The following ZMAT4 variants were observed in gnomAD, a reference collection of about 807,000 sequenced individuals.
ZMAT4 encodes zinc finger matrin-type 4, also known as zinc finger matrin-type protein 4.
ZMAT4 carries 17 observed loss-of-function variants against 28.7 expected under a neutral mutation model. The observed-to-expected ratio is 0.59, with a 90% CI of 0.41 to 0.89. The LOEUF is 0.89. Ranked by LOEUF, ZMAT4 falls within the 40% of genes least tolerant of loss-of-function variation. The probability of loss-of-function intolerance (pLI) is 0.00; values close to 1 mark genes in which losing one functional copy is unlikely to be tolerated. For missense variants in ZMAT4, 240 were observed against 283.8 expected (o/e 0.85, Z 1.11); for synonymous variants, 117 against 109.2 (o/e 1.07, Z -0.44).
At chr8:40,860,888 G>A (rs994857666) in intron 1 of ZMAT4, among the ~76,000 whole-genome samples, 2 of 152,138 alleles carry the variant, frequency 1.3e-5, no homozygotes, top group African/African-American at 4.8e-5. Context: ...GCCCTTAGGA[G>A]GCTGTTGCAC....
At chr8:40,590,533 T>C (rs1407298859) in intron 5 of ZMAT4, among the ~76,000 whole-genome samples, 1 of 152,130 alleles carries the variant, frequency 6.6e-6, no homozygotes, top group African/African-American at 2.4e-5. Context: ...TCAAGCTTCC[T>C]GCATCACCTC....
At chr8:40,835,661 C>A (rs988932090) in intron 1 of ZMAT4, among the ~76,000 whole-genome samples, 1 of 152,334 alleles carries the variant, frequency 6.6e-6, no homozygotes, top group African/African-American at 2.4e-5. Context: ...GATTTAAATG[C>A]AGCAATGGCA....
At chr8:40,533,008 C>A (rs1480081820) in intron 6 of ZMAT4, among the ~76,000 whole-genome samples, 5 of 151,812 alleles carry the variant, frequency 3.3e-5, no homozygotes, top group Non-Finnish European at 7.4e-5. Flanking sequence ...TTCTTTCTGG[C>A]CTTACTTGCA....
intron 4 of ZMAT4, among the ~76,000 whole-genome samples, chr8:40,678,460 T>G (rs977742316): frequency 6.6e-6 from 1 of 152,224 alleles, no homozygotes; most frequent in Non-Finnish European, 1.5e-5. Flanking sequence ...CAGAATGGTG[T>G]GCTGACCTGT....
intron 3 of ZMAT4, among the ~76,000 whole-genome samples, chr8:40,754,144 C>T (rs1186062018): frequency 6.6e-6 from 1 of 151,782 alleles, no homozygotes; most frequent in African/African-American, 2.4e-5. Flanking sequence ...TGCACTCCAG[C>T]CTGGCAACAG....
intron 3 of ZMAT4, among the ~76,000 whole-genome samples, chr8:40,725,107 A>G (rs928358366): frequency 5.3e-5 from 8 of 152,198 alleles, no homozygotes; most frequent in Non-Finnish European, 8.8e-5. Flanking sequence ...GGGAAGTGCC[A>G]TCAGGAGGGA....
chr8:40,554,496 T>A (rs1245104995), intron 6 of ZMAT4, among the ~76,000 whole-genome samples: 1 of 152,114 alleles, frequency 6.6e-6, no homozygotes, highest in African/African-American at 2.4e-5. Flanking sequence ...TAAGCAATCA[T>A]AAACATGTGG....
At chr8:40,779,411 A>C (rs912268220) in intron 2 of ZMAT4, among the ~76,000 whole-genome samples, 3 of 152,042 alleles carry the variant, frequency 2.0e-5, no homozygotes, top group Non-Finnish European at 4.4e-5. Context: ...CTCTCCCTCA[A>C]CTAGAGGGAC....
intron 5 of ZMAT4, among the ~76,000 whole-genome samples, chr8:40,605,761 T>A (rs1330130688): frequency 6.6e-6 from 1 of 152,156 alleles, no homozygotes; most frequent in Non-Finnish European, 1.5e-5. Flanking sequence ...GTCAGTGGAG[T>A]ATTGAAATTT....
chr8:40,853,231 G>A (rs546025177), intron 1 of ZMAT4, among the ~76,000 whole-genome samples: 1 of 152,156 alleles, frequency 6.6e-6, no homozygotes, highest in Admixed American at 6.5e-5. Flanking sequence ...ATATTAAAAA[G>A]ATGTGTTTTC....
At chr8:40,601,343 T>A (rs1805295867) in intron 5 of ZMAT4, among the ~76,000 whole-genome samples, 1 of 143,700 alleles carries the variant, frequency 7.0e-6, no homozygotes, top group South Asian at 2.2e-4. Context: ...GTTTAAAAGG[T>A]CTTCAAAGTT....
chr8:40,775,852 G>T (rs1813570032), intron 2 of ZMAT4, among the ~76,000 whole-genome samples: 1 of 152,298 alleles, frequency 6.6e-6, no homozygotes, highest in African/African-American at 2.4e-5. Context: ...TCACAAGGGT[G>T]GGGCCCTAAC....
intron 5 of ZMAT4, among the ~76,000 whole-genome samples, chr8:40,603,492 T>A (rs1805468740): frequency 6.6e-6 from 1 of 152,246 alleles, no homozygotes; most frequent in South Asian, 2.1e-4. Context: ...GGAAATTACA[T>A]TGAATTTGTA....
intron 5 of ZMAT4, among the ~76,000 whole-genome samples, chr8:40,665,178 G>T (rs1366733145): frequency 5.3e-5 from 8 of 151,952 alleles, no homozygotes; most frequent in Non-Finnish European, 7.4e-5. Context: ...TGCACTCCAG[G>T]CTGGGTGACA....
At chr8:40,824,542 A>G (rs1162470515) in intron 2 of ZMAT4, among the ~76,000 whole-genome samples, 2 of 152,134 alleles carry the variant, frequency 1.3e-5, no homozygotes, top group African/African-American at 4.8e-5. Flanking sequence ...AACATGCCCT[A>G]GTAGCTCTCA....
rs182437850 is a variant in ZMAT4, at chr8:40,850,193, C to T, written c.-4-24513G>A. The stretch of plus-strand genomic sequence containing the variant: ...CTTCATGCGGTCAATCAGAACCCGG[C>T]CCTCCCTTGCTTCAAGCCTGGAAAT... On this transcript the variant is annotated intron_variant, in intron 1 of 6. Transcript: ENST00000297737. 2.8e-3 allele frequency among the ~76,000 whole-genome samples: 424 copies of T among 152,194 alleles called. 1 individual carries two copies. The highest frequency in any genetic ancestry group is 5.0e-3 in the Non-Finnish European group (339 of 68,012).
chr8:40,583,713 G>C (rs991098206), intron 5 of ZMAT4, among the ~76,000 whole-genome samples: 3 of 152,172 alleles, frequency 2.0e-5, no homozygotes, highest in Non-Finnish European at 4.4e-5. Context: ...GCATTTTAGG[G>C]AGCCACGAGG....
intron 5 of ZMAT4, among the ~76,000 whole-genome samples, chr8:40,651,493 C>T (rs1807647830): frequency 6.7e-6 from 1 of 150,154 alleles, no homozygotes; most frequent in Non-Finnish European, 1.5e-5. Context: ...GTGAAAATGG[C>T]CATACTGCCC....
intron 2 of ZMAT4, among the ~76,000 whole-genome samples, chr8:40,813,108 G>T (rs758719963): frequency 1.9e-4 from 29 of 151,446 alleles, no homozygotes; most frequent in Non-Finnish European, 3.7e-4. Flanking sequence ...AGTATGTCTG[G>T]GTACACAAAA....
Sources: allele counts gnomAD v4.1 joint callset (sites outside exome capture counted in the v4.1 genomes callset), GRCh38; gene constraint gnomAD v4.1.1; transcripts MANE v1.5; gene names NCBI Gene and HGNC (gene_info 2026-07-23, HGNC 2026-07-21).